The following PDK1 variants were observed in gnomAD, a reference collection of about 807,000 sequenced individuals.
PDK1 encodes the protein [Pyruvate dehydrogenase (acetyl-transferring)] kinase isozyme 1, mitochondrial.
PDK1 carries 39 observed loss-of-function variants against 54.2 expected under a neutral mutation model. The ratio of observed to expected loss-of-function variants is 0.72; its 90% CI spans 0.56 to 0.94. The LOEUF (loss-of-function observed/expected upper bound fraction) is 0.94, where lower values mean the gene tolerates loss of function less well. PDK1 is among the 40% of genes least tolerant of loss of function. PDK1 has a pLI of 0.00. For synonymous variants in PDK1, 221 were observed against 207.1 expected, an observed-to-expected ratio of 1.07 and a Z score of -0.58; for missense variants, 552 against 566.0, an observed-to-expected ratio of 0.98 and a Z score of 0.25.
chr2:172,655,782 G>T, the PDK1 span, among the ~76,000 whole-genome samples: 1 of 152,198 alleles, frequency 6.6e-6, no homozygotes, highest in East Asian at 1.9e-4. Context: ...TTGAGTGTTG[G>T]CCAGCTCAGT....
chr2:172,583,255 G>A (rs2149266833), intron 8 of PDK1, among the ~76,000 whole-genome samples: 1 of 134,632 alleles, frequency 7.4e-6, no homozygotes, highest in East Asian at 2.2e-4. Flanking sequence ...GCAATTTCAA[G>A]CATAATGCTG....
chr2:172,587,004 C>T (rs1325608196), intron 9 of PDK1, among the ~76,000 whole-genome samples: 2 of 152,170 alleles, frequency 1.3e-5, no homozygotes, highest in Non-Finnish European at 2.9e-5. Flanking sequence ...TCTAGAAGAA[C>T]TCTATTCTTC....
At chr2:172,665,530 CTTTG>C in the PDK1 span, among the ~76,000 whole-genome samples, 5 of 152,046 alleles carry the variant, frequency 3.3e-5, no homozygotes, top group African/African-American at 4.8e-5. Flanking sequence ...ACTTTTTGTC[CTTTG>C]TTTGGATCCA....
chr2:172,652,736 T>C, the PDK1 span, among the ~76,000 whole-genome samples: 2 of 152,100 alleles, frequency 1.3e-5, no homozygotes, highest in African/African-American at 4.8e-5. Flanking sequence ...TCAAAGAGAA[T>C]AAAATACCTA....
At chr2:172,669,123 A>G in the PDK1 span, among the ~76,000 whole-genome samples, 1 of 139,062 alleles carries the variant, frequency 7.2e-6, no homozygotes, top group South Asian at 2.2e-4. Flanking sequence ...GCAGTGGCGC[A>G]ATCTCGGCTC....
chr2:172,694,499 C>T, the PDK1 span, among the ~76,000 whole-genome samples: 1 of 152,106 alleles, frequency 6.6e-6, no homozygotes, highest in Non-Finnish European at 1.5e-5. Context: ...ACAGACTCTC[C>T]CTGTCTGTGT....
At chr2:172,648,196 T>C in the PDK1 span, among the ~76,000 whole-genome samples, 3 of 152,328 alleles carry the variant, frequency 2.0e-5, no homozygotes, top group East Asian at 5.8e-4. Flanking sequence ...GTCCACAGTT[T>C]AGTTAACAGT....
the PDK1 span, among the ~76,000 whole-genome samples, chr2:172,636,317 C>T: frequency 5.3e-5 from 8 of 152,102 alleles, no homozygotes; most frequent in Non-Finnish European, 8.8e-5. Flanking sequence ...CTTTCACTCC[C>T]GGAGGAAGAC....
the PDK1 span, among the ~76,000 whole-genome samples, chr2:172,620,155 G>A: frequency 2.0e-5 from 3 of 152,192 alleles, no homozygotes; most frequent in Non-Finnish European, 4.4e-5. Flanking sequence ...GACAGAGTGA[G>A]GCCCTGTCTC....
At chr2:172,664,327 A>AAAAAAAAAAAAAAAAAAAC in the PDK1 span, among the ~76,000 whole-genome samples, 2 of 150,476 alleles carry the variant, frequency 1.3e-5, no homozygotes, top group African/African-American at 2.4e-5. Context: ...AAAAAAAAAA[A>AAAAAAAAAAAAAAAAAAAC]AAAAAAAGCA....
chr2:172,655,107 T>C, the PDK1 span, among the ~76,000 whole-genome samples: 2 of 152,100 alleles, frequency 1.3e-5, no homozygotes, highest in African/African-American at 4.8e-5. Flanking sequence ...TGACCCACCT[T>C]TTGGAGCTCC....
At chr2:172,563,452 G>A (rs1688762758) in intron 3 of PDK1, among the ~76,000 whole-genome samples, 1 of 152,220 alleles carries the variant, frequency 6.6e-6, no homozygotes, top group African/African-American at 2.4e-5. Flanking sequence ...ATAGTACTCA[G>A]GATGATGACT....
Position 172,599,943 on chromosome 2 carries a change from A to G in PDK1, c.*3974A>G, listed in dbSNP as rs184754846. On this transcript the variant is annotated 3_prime_UTR_variant, in exon 11 of 11. Coordinates refer to ENST00000282077, the MANE Select transcript of PDK1 (RefSeq NM_002610.5). The stretch of plus-strand genomic sequence containing the variant: ...TTATTTAGCAAAAATACAGAGTTTC[A>G]CCCCAGTAAAATAAACTTCCACGTG... 1.1e-3 allele frequency: 163 copies of G among 152,282 alleles called. 1 individual carries two copies. Among genetic ancestry groups the G allele is most frequent in the African/African-American group, 3.7e-3 (154 of 41,560 alleles). 9.4% of individuals were successfully genotyped at this position (152,282 alleles called of 1,614,324 possible). A position where few individuals can be genotyped will look rare whatever the true frequency, so the allele number is the denominator to read the frequency against.
chr2:172,681,944 G>A, the PDK1 span, among the ~76,000 whole-genome samples: 1 of 152,146 alleles, frequency 6.6e-6, no homozygotes, highest in African/African-American at 2.4e-5. Flanking sequence ...TTTTAGTAGA[G>A]ACAGGATTTC....
intron 9 of PDK1, among the ~76,000 whole-genome samples, chr2:172,587,478 C>T (rs748898347): frequency 4.6e-5 from 7 of 151,318 alleles, no homozygotes; most frequent in Non-Finnish European, 7.4e-5. Context: ...GTTGTTTGTT[C>T]TTCTGGGTGG....
chr2:172,661,742 G>A, the PDK1 span, among the ~76,000 whole-genome samples: 1 of 152,178 alleles, frequency 6.6e-6, no homozygotes, highest in East Asian at 1.9e-4. Flanking sequence ...GTAATTGGGA[G>A]CTAGACATGA....
intron 8 of PDK1, among the ~76,000 whole-genome samples, chr2:172,576,147 C>T (rs13009517): frequency 6.6e-5 from 10 of 152,020 alleles, no homozygotes; most frequent in South Asian, 2.1e-4. Context: ...AGGATGGTTT[C>T]GATCTCCTGA....
At chr2:172,616,471 T>C in the PDK1 span, among the ~76,000 whole-genome samples, 502 of 152,194 alleles carry the variant, frequency 3.3e-3, 3 homozygotes, top group African/African-American at 0.011. Context: ...TGCCATAAAC[T>C]AAAAAAACCA....
rs959184973 is a variant in PDK1 at position 172,603,627 on chromosome 2, A to G, written c.*7658A>G. On this transcript the variant is annotated 3_prime_UTR_variant, in exon 11 of 11. Coordinates refer to ENST00000282077, the MANE Select transcript of PDK1 (RefSeq NM_002610.5). The stretch of plus-strand genomic sequence containing the variant: ...ACCGAAAGCTCTGGCACTTTATAGC[A>G]GTGGTGGGGGGTAGATAGGACTTAG... 2.0e-5 allele frequency: 3 copies of G among 152,182 alleles called. No individual in the cohort carries two copies. The highest frequency in any genetic ancestry group is 2.9e-5 in the Non-Finnish European group (2 of 68,042). The allele number at this position is 152,182 out of a possible 1,614,324, so 9.4% of individuals were successfully genotyped here.
Sources: allele counts gnomAD v4.1 joint callset (sites outside exome capture counted in the v4.1 genomes callset), GRCh38; gene constraint gnomAD v4.1.1; transcripts MANE v1.5; gene names NCBI Gene and HGNC (gene_info 2026-07-23, HGNC 2026-07-21).